The following SULF1 variants were observed in gnomAD, a reference collection of about 807,000 sequenced individuals.
The protein encoded by SULF1 is sulfatase 1.
Under a neutral mutation model 110.5 loss-of-function variants are expected in SULF1, and 46 were observed. The observed-to-expected ratio is 0.42, with a 90% confidence interval of 0.33 to 0.53. SULF1 has a LOEUF of 0.53. Ranked by LOEUF, SULF1 falls within the 20% of genes least tolerant of loss-of-function variation. SULF1 has a pLI of 0.12. For missense variants in SULF1, 941 were observed against 1,094.2 expected (o/e 0.86, Z 1.98); for synonymous variants, 371 against 387.1 (o/e 0.96, Z 0.49).
intron 18 of SULF1, among the ~76,000 whole-genome samples, chr8:69,628,631 T>C (rs368150402): frequency 3.9e-5 from 6 of 152,208 alleles, no homozygotes; most frequent in East Asian, 3.8e-4. Flanking sequence ...GGAAGAAATA[T>C]AAATTTTTTT....
At position 69,603,672 on chromosome 8, in the gene SULF1, T is replaced by C; in HGVS notation, c.1247+16T>C. On this transcript the variant is annotated intron_variant, in intron 12 of 22. Coordinates refer to ENST00000402687, the MANE Select transcript of SULF1 (RefSeq NM_001128205.2). ...TGGAAAGAGGGTAATTATTGGTTCC[T>C]GGGGTGCTTCTGGGAACCAGTCCTA... is the stretch of plus-strand genomic sequence containing the variant. 6.2e-7 allele frequency: 1 copy of C among 1,600,300 alleles called. No individual in the cohort carries two copies. Among genetic ancestry groups the C allele is most frequent in the Non-Finnish European group, 8.6e-7 (1 of 1,167,398 alleles).
chr8:69,474,350 A>G (rs1332922056), intron 1 of SULF1, among the ~76,000 whole-genome samples: 2 of 152,208 alleles, frequency 1.3e-5, no homozygotes, highest in Non-Finnish European at 2.9e-5. Flanking sequence ...TTTCTGTCAT[A>G]TAACATGTGT....
chr8:69,592,980 A>G (rs2130321722), intron 8 of SULF1: 4 of 987,158 alleles, frequency 4.1e-6, no homozygotes, highest in Non-Finnish European at 4.8e-6. Flanking sequence ...AGTATGTGCT[A>G]TGGGTAAGTG....
chr8:69,625,112 G>A (rs986229830), intron 15 of SULF1, among the ~76,000 whole-genome samples: 7 of 152,216 alleles, frequency 4.6e-5, no homozygotes, highest in Non-Finnish European at 1.0e-4. Context: ...TCAAAACTCA[G>A]TGGGGTACTT....
chr8:69,621,140 C>T lies in SULF1; in HGVS notation c.1483C>T (p.Arg495Cys), dbSNP rs142971465. The change falls in exon 14 of 23, where the codon CGC (arginine) becomes TGC (cysteine). Residue 495 changes from arginine to cysteine, a missense_variant. Around this residue, in one of 3 missense-constraint regions of SULF1, gnomAD observed 822 missense variants for 934.3 expected, o/e 0.88. Transcript: ENST00000402687. The part of the protein sequence containing the change: ...VRQSTRNLYA[R>C]GFHDKDKECS... ...GCAGAGCACGCGGAACCTCTACGCT[C>T]GCGGCTTCCATGACAAAGACAAAGA... 5.0e-6 allele frequency: 8 copies of T among 1,613,994 alleles called. No homozygotes were observed. Among genetic ancestry groups the T allele is most frequent in the East Asian group, 2.2e-5 (1 of 44,894 alleles).
rs1183701742 is a variant in SULF1 at position 69,546,509 on chromosome 8, A to G, written c.-133-17030A>G. 2.0e-5 allele frequency among the ~76,000 whole-genome samples: 3 copies of G among 152,312 alleles called. No homozygotes were observed. The South Asian group carries it at 6.2e-4, about 32-fold the overall frequency. Reference sequence around the variant, plus strand: ...TCCACAGGAAAGATGCTAAATTCCCATAAAGCAGTCCTTTTCTATTTAAAA... The same window carrying G: ...TCCACAGGAAAGATGCTAAATTCCCGTAAAGCAGTCCTTTTCTATTTAAAA... On this transcript the variant is annotated intron_variant, in intron 3 of 22. Coordinates refer to ENST00000402687, the MANE Select transcript of SULF1 (RefSeq NM_001128205.2).
At position 69,659,083 on chromosome 8, in the gene SULF1, C is replaced by T. The variant is rs1464890093; in HGVS notation, c.*548C>T. 3 of 456,868 alleles carry T rather than the reference C, an allele frequency of 6.6e-6. No homozygotes were observed. The highest frequency in any genetic ancestry group is 1.3e-5 in the Non-Finnish European group (3 of 227,040). 28.3% of individuals were successfully genotyped at this position (456,868 alleles called of 1,614,324 possible). On this transcript the variant is annotated 3_prime_UTR_variant, in exon 23 of 23. Transcript: ENST00000402687. ...CCCCAGGCTGCAGCCCATTCGCAGG[C>T]ACCCGAAAGAACTTCCCCAGTATGG...
intron 1 of SULF1, among the ~76,000 whole-genome samples, chr8:69,482,761 G>C (rs1809560144): frequency 6.6e-6 from 1 of 151,946 alleles, no homozygotes; most frequent in African/African-American, 2.4e-5. Flanking sequence ...AATTAATTAA[G>C]GAAAATTAAG....
chr8:69,551,126 G>A (rs1053545496), intron 3 of SULF1, among the ~76,000 whole-genome samples: 10 of 152,224 alleles, frequency 6.6e-5, no homozygotes, highest in Admixed American at 5.9e-4. Context: ...TGGCAGATAC[G>A]GCTGAACAGA....
At chr8:69,509,493 G>C (rs1811415626) in intron 3 of SULF1, among the ~76,000 whole-genome samples, 1 of 151,976 alleles carries the variant, frequency 6.6e-6, no homozygotes, top group African/African-American at 2.4e-5. Context: ...TTAGATACTT[G>C]TTGTTGGAAT....
intron 2 of SULF1, among the ~76,000 whole-genome samples, chr8:69,498,694 G>C (rs1810565611): frequency 6.7e-6 from 1 of 149,324 alleles, no homozygotes. Context: ...TCCCAGAGGG[G>C]AGATTAGAGT....
intron 22 of SULF1, among the ~76,000 whole-genome samples, chr8:69,655,182 G>T (rs1812629985): frequency 6.6e-6 from 1 of 152,172 alleles, no homozygotes; most frequent in South Asian, 2.1e-4. Context: ...TATGCATGGG[G>T]TGCCTACCCC....
intron 22 of SULF1, among the ~76,000 whole-genome samples, chr8:69,651,125 C>T (rs1812312330): frequency 6.9e-6 from 1 of 144,900 alleles, no homozygotes; most frequent in African/African-American, 2.6e-5. Context: ...ATGATCTTGG[C>T]TCACTGTAAC....
At chr8:69,585,411 T>C (rs1010901996) in intron 6 of SULF1, among the ~76,000 whole-genome samples, 5 of 152,240 alleles carry the variant, frequency 3.3e-5, no homozygotes, top group African/African-American at 1.2e-4. Context: ...TTCTGCTAGG[T>C]TGTAATGTCT....
At chr8:69,654,723 C>T (rs1216511023) in intron 22 of SULF1, among the ~76,000 whole-genome samples, 2 of 152,170 alleles carry the variant, frequency 1.3e-5, no homozygotes, top group East Asian at 1.9e-4. Flanking sequence ...AGAAATCTGT[C>T]CAGTGGGGGA....
chr8:69,659,198 C>G lies in SULF1; in HGVS notation c.*663C>G, dbSNP rs1325334795. On this transcript the variant is annotated 3_prime_UTR_variant, in exon 23 of 23. Transcript: ENST00000402687. ...GTTCATCAGATGTTCACCATGGCCA[C>G]CGCAGAACACCGAAGTAATTCCAGC... 1 of 456,754 alleles carries G rather than the reference C, an allele frequency of 2.2e-6. No individual in the cohort carries two copies. The highest frequency in any genetic ancestry group is 2.4e-5 in the Admixed American group (1 of 42,552). The allele number at this position is 456,754 out of a possible 1,614,324, so 28.3% of individuals were successfully genotyped here.
intron 3 of SULF1, among the ~76,000 whole-genome samples, chr8:69,558,047 G>T (rs1278113819): frequency 6.6e-6 from 1 of 152,132 alleles, no homozygotes; most frequent in Non-Finnish European, 1.5e-5. Context: ...GCCAGCTGTG[G>T]GGTTGTTAAA....
At position 69,477,283 on chromosome 8, in the gene SULF1, T is replaced by C. The variant is rs1809339395; in HGVS notation, c.-391+10333T>C. ...ACAGAAAACGGGGGGAAAAATAAGC[T>C]ATATGAAAAACTTCATGTATAGCAA... On this transcript the variant is annotated intron_variant, in intron 1 of 22. Transcript: ENST00000260128. Among the ~76,000 whole-genome samples, 5 of 152,226 alleles carry C rather than the reference T, an allele frequency of 3.3e-5. No individual in the cohort carries two copies. In the South Asian group the frequency reaches 1.0e-3, roughly 32 times the overall value.
chr8:69,538,130 T>G (rs1462159395), intron 3 of SULF1, among the ~76,000 whole-genome samples: 1 of 152,018 alleles, frequency 6.6e-6, no homozygotes, highest in Admixed American at 6.6e-5. Context: ...CCCTGCTAAT[T>G]TTTTGTACTT....
Sources: gnomAD v4.1 joint callset for allele counts (sites outside exome capture counted in the v4.1 genomes callset) on GRCh38, gnomAD v4.1.1 for gene constraint, gnomAD v4.1.1 regional missense constraint, MANE v1.5 for transcripts, NCBI Gene and HGNC (gene_info 2026-07-23, HGNC 2026-07-21) for gene names.